Variants in VSTM2A observed in about 807,000 individuals in gnomAD.
The protein encoded by VSTM2A is V-set and transmembrane domain containing 2A.
Under a neutral mutation model 27.3 loss-of-function variants are expected in VSTM2A, and 13 were observed. That is an observed-to-expected ratio of 0.48 (90% CI 0.31 to 0.76). VSTM2A has a LOEUF of 0.76. Among genes scored for constraint, VSTM2A ranks in the 30% least tolerant of loss-of-function variants. The pLI is 0.05. For synonymous variants in VSTM2A, 142 were observed against 125.7 expected (o/e 1.13, Z -0.87); for missense variants, 280 against 310.0 (o/e 0.90, Z 0.73).
intron 4 of VSTM2A, among the ~76,000 whole-genome samples, chr7:54,553,145 CTG>C (rs1380405424): frequency 1.3e-5 from 2 of 152,156 alleles, no homozygotes; most frequent in Non-Finnish European, 2.9e-5. Flanking sequence ...ATAAAGCTAA[CTG>C]TTATTTAATA....
chr7:54,563,883 C>T (rs1488601679), intron 4 of VSTM2A, among the ~76,000 whole-genome samples: 1 of 152,168 alleles, frequency 6.6e-6, no homozygotes, highest in Non-Finnish European at 1.5e-5. Context: ...GAAATTGGCA[C>T]CGGACATGTA....
Position 54,544,828 on chromosome 7 carries a change from C to T in VSTM2A, c.246+40C>T, listed in dbSNP as rs377022953. The T allele has an allele frequency of 4.9e-4, 763 of 1,555,728 alleles. 12 individuals are homozygous for T. The South Asian group carries it at 8.6e-3, about 18-fold the overall frequency. On this transcript the variant is annotated intron_variant, in intron 2 of 4. Coordinates refer to ENST00000402613, the MANE Select transcript of VSTM2A (RefSeq NM_001301009.2). ...CGACCCCGCGTCTCCCCTTCGCTCG[C>T]CCGGTCCTCAGGGTGTCCGGCCCGG...
chr7:54,568,434 GAA>G (rs1788788692), intron 4 of VSTM2A, among the ~76,000 whole-genome samples: 1 of 152,040 alleles, frequency 6.6e-6, no homozygotes, highest in African/African-American at 2.4e-5. Flanking sequence ...ATGAAGAAAA[GAA>G]TGCAACACTA....
At chr7:54,546,855 G>T in intron 2 of VSTM2A, 92 bp from the exon 3 acceptor site, 2 of 1,513,868 alleles carry the variant, frequency 1.3e-6, no homozygotes, top group Non-Finnish European at 1.8e-6. Context: ...CACCCTGACG[G>T]CCCTGCCCGG....
At chr7:54,544,497 C>T in intron 1 of VSTM2A, 125 bp from the exon 2 acceptor site, 1 of 1,210,490 alleles carries the variant, frequency 8.3e-7, no homozygotes, top group Non-Finnish European at 1.2e-6. Flanking sequence ...CCAGACGAAG[C>T]CGAGGATGTA....
chr7:54,543,443 C>G (rs899821279), intron 1 of VSTM2A, among the ~76,000 whole-genome samples: 1 of 152,202 alleles, frequency 6.6e-6, no homozygotes, highest in African/African-American at 2.4e-5. Flanking sequence ...AAATGCCATA[C>G]TCCTTCTGCC....
At chr7:54,547,578 T>TAG (rs1788044214) in intron 3 of VSTM2A, among the ~76,000 whole-genome samples, 5 of 151,928 alleles carry the variant, frequency 3.3e-5, no homozygotes, top group African/African-American at 1.2e-4. Context: ...TCCACTCTCT[T>TAG]GCTTATTACT....
intron 4 of VSTM2A, among the ~76,000 whole-genome samples, chr7:54,566,135 A>G (rs920864185): frequency 2.6e-5 from 4 of 152,246 alleles, no homozygotes; most frequent in Non-Finnish European, 5.9e-5. Context: ...AGGCATCATG[A>G]TTAAATAGAT....
intron 4 of VSTM2A, 193 bp from the exon 5 acceptor site, chr7:54,568,938 G>A: frequency 6.6e-7 from 1 of 1,524,906 alleles, no homozygotes; most frequent in Non-Finnish European, 8.9e-7. Flanking sequence ...ATATGTATGT[G>A]TTTAAAACAA....
chr7:54,551,754 A>C (rs1253891896), intron 4 of VSTM2A: 1 of 152,224 alleles, frequency 6.6e-6, no homozygotes, highest in African/African-American at 2.4e-5. Context: ...CACTACAGGC[A>C]AGATTACAGA....
chr7:54,569,172 A>T lies in VSTM2A; in HGVS notation c.676A>T (p.Lys226Ter). 6.4e-7 allele frequency: 1 copy of T among 1,552,238 alleles called. No homozygotes were observed. The highest frequency in any genetic ancestry group is 8.7e-7 in the Non-Finnish European group (1 of 1,147,162). The change falls in exon 5 of 5, where the codon AAG (lysine) becomes TAG (stop). Residue 226 changes from lysine to a stop codon, truncating the protein, a stop_gained. Transcript: ENST00000402613. LOFTEE classifies it high-confidence loss of function. ...TGTAAAATCTACGGAGCGGACAGCA[A>T]AGTTGACCCTAAACTCCAAGCACCA... is the stretch of plus-strand genomic sequence containing the variant. ...SPVKSTERTA[K>*]LTLNSKHHPA...
At chr7:54,554,046 G>A in intron 4 of VSTM2A, 1 of 1,552,700 alleles carries the variant, frequency 6.4e-7, no homozygotes, top group Non-Finnish European at 8.7e-7. Flanking sequence ...AACCCCTGGT[G>A]TGCAGAGCTG....
At chr7:54,565,015 G>C (rs1452237864) in intron 4 of VSTM2A, among the ~76,000 whole-genome samples, 1 of 152,232 alleles carries the variant, frequency 6.6e-6, no homozygotes, top group Non-Finnish European at 1.5e-5. Context: ...CAAGTATGAA[G>C]TATGTTATAT....
intron 1 of VSTM2A, among the ~76,000 whole-genome samples, chr7:54,543,835 G>T (rs918528535): frequency 1.3e-5 from 2 of 152,194 alleles, no homozygotes; most frequent in African/African-American, 4.8e-5. Context: ...AATGCCTTTA[G>T]GAGGAAGGAA....
intron 4 of VSTM2A, 138 bp from the exon 5 acceptor site, chr7:54,568,993 A>G (rs1034224304): frequency 2.7e-5 from 43 of 1,583,344 alleles, no homozygotes; most frequent in Non-Finnish European, 3.5e-5. Context: ...CGAATATCTT[A>G]TAACTTCTTC....
intron 4 of VSTM2A, among the ~76,000 whole-genome samples, chr7:54,562,555 T>C (rs568944969): frequency 6.6e-6 from 1 of 152,330 alleles, no homozygotes; most frequent in South Asian, 2.1e-4. Context: ...TTTCCTCAAC[T>C]CACGAGTTAT....
In VSTM2A at chr7:54,550,412, C is replaced by G. The variant is rs1422301412; in HGVS notation, c.634+242C>G. 3.5e-6 allele frequency: 4 copies of G among 1,136,366 alleles called. No individual in the cohort carries two copies. The East Asian group carries it at 8.0e-5, about 23-fold the overall frequency. The allele number at this position is 1,136,366 out of a possible 1,614,324, so 70.4% of individuals were successfully genotyped here. ...ATTTCCAGGGCATCTGAGAGCTGGACTCTGGTTTTTATCCTTTCTGTATTT... is the reference window on the plus strand; with the variant it reads ...ATTTCCAGGGCATCTGAGAGCTGGAGTCTGGTTTTTATCCTTTCTGTATTT... On this transcript the variant is annotated intron_variant, in intron 4 of 4. Transcript: ENST00000402613.
chr7:54,552,478 A>G (rs1274813542), intron 4 of VSTM2A: 2 of 152,142 alleles, frequency 1.3e-5, no homozygotes, highest in African/African-American at 2.4e-5. Context: ...ATCCTGATTT[A>G]TGATTTTTGC....
intron 3 of VSTM2A, among the ~76,000 whole-genome samples, chr7:54,548,180 A>G (rs892963452): frequency 6.6e-6 from 1 of 152,130 alleles, no homozygotes; most frequent in African/African-American, 2.4e-5. Context: ...CCGTCCCCCT[A>G]TCATCTAAAG....
Sources: allele counts gnomAD v4.1 joint callset (sites outside exome capture counted in the v4.1 genomes callset), GRCh38; gene constraint gnomAD v4.1.1; transcripts MANE v1.5; gene names NCBI Gene and HGNC (gene_info 2026-07-23, HGNC 2026-07-21).